The following MYH6 variants were observed in gnomAD, a reference collection of about 807,000 sequenced individuals.
MYH6 encodes the protein myosin heavy chain 6, also known as myosin-6.
MYH6 carries 126 observed loss-of-function variants against 223.2 expected under a neutral mutation model. The ratio of observed to expected loss-of-function variants is 0.56; its 90% CI spans 0.49 to 0.65. The LOEUF (loss-of-function observed/expected upper bound fraction) is 0.65. Ranked by LOEUF, MYH6 falls within the 30% of genes least tolerant of loss-of-function variation. MYH6 has a pLI of 0.00. For missense variants in MYH6, 2,040 were observed against 2,536.4 expected (o/e 0.80, Z 4.20); for synonymous variants, 978 against 1,010.2 (o/e 0.97, Z 0.61).
chr14:23,383,931 A>G (rs1479359940), intron 36 of MYH6, among the ~76,000 whole-genome samples: 2 of 152,050 alleles, frequency 1.3e-5, no homozygotes, highest in Non-Finnish European at 2.9e-5. Flanking sequence ...TATCAAATGG[A>G]CTGACACCCT....
In MYH6 at chr14:23,394,233, C is replaced by T. The variant is rs141945051; in HGVS notation, c.2520G>A (p.Pro840=). The T allele has an allele frequency of 6.3e-5, 101 of 1,614,106 alleles. No homozygotes were observed. Among genetic ancestry groups the T allele is most frequent in the Non-Finnish European group, 7.6e-5 (90 of 1,180,046 alleles). ...PWMKLYFKIK[P]LLKSAETEKE... is the part of the protein sequence containing the mutation. Reference sequence around the variant, plus strand: ...TCTCCGTCTCTGCGCTCTTCAGCAGCGGCTTGATCTTGAAGTAGAGCTTCA... The same window carrying T: ...TCTCCGTCTCTGCGCTCTTCAGCAGTGGCTTGATCTTGAAGTAGAGCTTCA... Residue 840 remains proline, a synonymous_variant, in exon 21 of 39, where the codon CCG becomes CCA. Coordinates refer to ENST00000405093, the MANE Select transcript of MYH6 (RefSeq NM_002471.4).
In MYH6 at chr14:23,397,089, G is replaced by C. The variant is rs1219653175; in HGVS notation, c.2051-9C>G. ...GGGGTTGTCCATCACCCCTGTGTCA[G>C]GAGGGAAGGGGAAAGGGTCAGCCTT... On this transcript the variant is annotated splice_polypyrimidine_tract_variant and intron_variant, in intron 17 of 38. Transcript: ENST00000405093. 1.2e-6 allele frequency: 2 copies of C among 1,614,242 alleles called. No individual in the cohort carries two copies.
At chr14:23,390,478 G>A (rs373528036) in intron 25 of MYH6, 32 bp from the exon 26 acceptor site, 21 of 1,607,170 alleles carry the variant, frequency 1.3e-5, no homozygotes, top group Non-Finnish European at 1.5e-5. Flanking sequence ...CAGACCCACC[G>A]CCTGGACCCC....
chr14:23,388,862 G>A lies in MYH6; in HGVS notation c.4172C>T (p.Ala1391Val). The change falls in exon 29 of 39, where the codon GCC becomes GTC. Residue 1391 changes from alanine to valine, a missense_variant. Ala to Val is a moderately conservative substitution (Grantham distance 64). Coordinates refer to ENST00000405093, the MANE Select transcript of MYH6 (RefSeq NM_002471.4). The stretch of plus-strand genomic sequence containing the variant: ...TAAGGGGGTATCTGGAGCTCACTTG[G>A]CCTCTTCGAGCTCCTCAGTCCGCTG... ...AIQRTEELEE[A>V]KKKLAQRLQD... The A allele has an allele frequency of 1.2e-6, 2 of 1,613,720 alleles. No homozygotes were observed. The highest frequency in any genetic ancestry group is 1.7e-6 in the Non-Finnish European group (2 of 1,180,036).
Position 23,396,739 on chromosome 14 carries a change from G to A in MYH6, c.2247C>T (p.Ser749=). The A allele has an allele frequency of 2.5e-6, 4 of 1,614,016 alleles. No homozygotes were observed. Among genetic ancestry groups the A allele is most frequent in the Non-Finnish European group, 2.5e-6 (3 of 1,179,882 alleles). The change falls in exon 19 of 39, where the codon AGC becomes AGT. Residue 749 remains serine, a synonymous_variant. Coordinates refer to ENST00000405093, the MANE Select transcript of MYH6 (RefSeq NM_002471.4). Reference sequence around the variant, plus strand: ...ACTGGTTGTGATCAATGTCCAGAGAGCTGAGCAGCTTCTCTGTCCCCTTCC... The same window carrying A: ...ACTGGTTGTGATCAATGTCCAGAGAACTGAGCAGCTTCTCTGTCCCCTTCC... The part of the protein sequence containing the change: ...DSRKGTEKLL[S]SLDIDHNQYK...
At chr14:23,399,955 C>T (rs972097337) in intron 14 of MYH6, 5 of 448,682 alleles carry the variant, frequency 1.1e-5, no homozygotes, top group Admixed American at 3.4e-5. Flanking sequence ...AGCCTAGGAT[C>T]TTTCCATGAA....
rs1566512298 is a variant in MYH6, at chr14:23,397,935, T to TCCTCC, written c.1892-323_1892-322insGGAGG. On this transcript the variant is annotated intron_variant, in intron 15 of 38. Coordinates refer to ENST00000405093, the MANE Select transcript of MYH6 (RefSeq NM_002471.4). Reference sequence around the variant, plus strand: ...TCTCCTCCTCCTCCTCCTCCTCCTCTTCTTCTTCTTCTTCTTCTTCTTCTT... The same window carrying TCCTCC: ...TCTCCTCCTCCTCCTCCTCCTCCTCTCCTCCTCTTCTTCTTCTTCTTCTTCTTCTT... 2.2e-3 allele frequency among the ~76,000 whole-genome samples: 129 copies of TCCTCC among 57,702 alleles called. 5 individuals are homozygous for TCCTCC. Among genetic ancestry groups the TCCTCC allele is most frequent in the Middle Eastern group, 0.014 (2 of 138 alleles). The allele number at this position is 57,702 out of a possible 152,430, so 37.9% of individuals were successfully genotyped here.
At position 23,405,085 on chromosome 14, in the gene MYH6, A is replaced by T. The variant is rs771353936; in HGVS notation, c.530+15T>A. 1.9e-6 allele frequency: 3 copies of T among 1,613,992 alleles called. No individual in the cohort carries two copies. In the East Asian group the frequency reaches 6.7e-5, roughly 36 times the overall value. On this transcript the variant is annotated intron_variant, in intron 6 of 38. Coordinates refer to ENST00000405093, the MANE Select transcript of MYH6 (RefSeq NM_002471.4). The surrounding 1 kb of genome is among the most constrained non-coding windows in gnomAD (Gnocchi z 4.7). ...CCAGCCCAGTCCCTTCTGTGGGAGGATGGCACTCGCTCACGTGATGAGGAT... is the reference window on the plus strand; with the variant it reads ...CCAGCCCAGTCCCTTCTGTGGGAGGTTGGCACTCGCTCACGTGATGAGGAT...
intron 3 of MYH6, among the ~76,000 whole-genome samples, chr14:23,406,195 T>C (rs188827726): frequency 6.6e-6 from 1 of 152,168 alleles, no homozygotes; most frequent in East Asian, 1.9e-4. Flanking sequence ...TCACCCCTGC[T>C]GGAAAAGTAG....
intron 26 of MYH6, 57 bp downstream of exon 26, chr14:23,390,000 A>G: frequency 2.5e-6 from 4 of 1,613,180 alleles, no homozygotes; most frequent in African/African-American, 1.3e-5. Context: ...GAGAGAAGGC[A>G]TGGGGGAGGC....
intron 19 of MYH6, 46 bp downstream of exon 19, chr14:23,396,648 A>G: frequency 5.0e-6 from 8 of 1,613,938 alleles, no homozygotes; most frequent in Non-Finnish European, 5.9e-6. Flanking sequence ...GCTCCACTCA[A>G]CATGGCCACC....
At chr14:23,389,871 A>T in intron 26 of MYH6, 152 bp from the exon 27 acceptor site, 1 of 1,527,392 alleles carries the variant, frequency 6.5e-7, no homozygotes, top group African/African-American at 1.4e-5. Context: ...TGAATTAAAG[A>T]AAGGAGGAAC....
At chr14:23,403,266 A>C (rs1891665561) in intron 10 of MYH6, 82 bp downstream of exon 10, 7 of 1,161,456 alleles carry the variant, frequency 6.0e-6, no homozygotes, top group Non-Finnish European at 9.1e-6. Context: ...AGTGGGGAGC[A>C]GGAGGGCCCT....
rs1395238102 is a variant in MYH6, at chr14:23,407,544, G to A, written c.-14+32C>T. 1 of 1,270,182 alleles carries A rather than the reference G, an allele frequency of 7.9e-7. No individual in the cohort carries two copies. Among genetic ancestry groups the A allele is most frequent in the East Asian group, 4.0e-5 (1 of 24,696 alleles). 78.7% of individuals were successfully genotyped at this position (1,270,182 alleles called of 1,614,324 possible). A position where few individuals can be genotyped will look rare whatever the true frequency, so the allele number is the denominator to read the frequency against. ...CGGCTCCCAGGAGAAGCATGCCCCA[G>A]TCTCTGCAGAGAAAATGGGGGCAGT... On this transcript the variant is annotated intron_variant, in intron 2 of 38. Transcript: ENST00000405093. The surrounding 1 kb of genome is among the most constrained non-coding windows in gnomAD (Gnocchi z 5.6).
chr14:23,388,054 C>A (rs974769684), intron 30 of MYH6, 101 bp downstream of exon 30: 1 of 1,596,178 alleles, frequency 6.3e-7, no homozygotes, highest in East Asian at 2.2e-5. Context: ...CTGGGCTTAG[C>A]CCTCCTCCTC....
At chr14:23,398,517 T>C (rs1891498538) in intron 15 of MYH6, among the ~76,000 whole-genome samples, 1 of 152,176 alleles carries the variant, frequency 6.6e-6, no homozygotes, top group African/African-American at 2.4e-5. Flanking sequence ...TGAGGAAACA[T>C]GAGACAGCTA....
rs1566512441 is a variant in MYH6 at position 23,397,952 on chromosome 14, C to CTTCTTCTTCTTCTTT, written c.1892-340_1892-339insAAAGAAGAAGAAGAA. On this transcript the variant is annotated intron_variant, in intron 15 of 38. Transcript: ENST00000405093. The stretch of plus-strand genomic sequence containing the variant: ...TCCTCCTCTTCTTCTTCTTCTTCTT[C>CTTCTTCTTCTTCTTT]TTCTTCTTCTTCTTCTTCTTCTTCT... 8.7e-3 allele frequency among the ~76,000 whole-genome samples: 796 copies of CTTCTTCTTCTTCTTT among 91,222 alleles called. 20 individuals carry two copies. Among genetic ancestry groups the CTTCTTCTTCTTCTTT allele is most frequent in the African/African-American group, 0.014 (284 of 20,778 alleles). The allele number at this position is 91,222 out of a possible 152,430, so 59.8% of individuals were successfully genotyped here. A position where few individuals can be genotyped will look rare whatever the true frequency, so the allele number is the denominator to read the frequency against.
At chr14:23,401,010 C>G (rs1891583944) in intron 12 of MYH6, 33 bp from the exon 13 acceptor site, 1 of 1,603,262 alleles carries the variant, frequency 6.2e-7, no homozygotes, top group Non-Finnish European at 8.5e-7. Flanking sequence ...GTGAGCACTT[C>G]CTTTTTTTTT....
At chr14:23,390,864 G>A (rs1288644471) in intron 25 of MYH6, among the ~76,000 whole-genome samples, 17 of 152,180 alleles carry the variant, frequency 1.1e-4, no homozygotes, top group African/African-American at 3.9e-4. Context: ...GGGAAAATGA[G>A]TGCTTGTATT....
Sources: gnomAD v4.1 joint callset for allele counts (sites outside exome capture counted in the v4.1 genomes callset) on GRCh38, gnomAD v4.1.1 for gene constraint, Gnocchi (gnomAD v3.1) non-coding constraint, MANE v1.5 for transcripts, NCBI Gene and HGNC (gene_info 2026-07-23, HGNC 2026-07-21) for gene names.